The following BDP1 variants were observed in gnomAD, a reference collection of about 807,000 sequenced individuals.
The protein encoded by BDP1 is transcription factor TFIIIB component B'' homolog.
Under a neutral mutation model 266.6 loss-of-function variants are expected in BDP1, and 169 were observed. The observed-to-expected ratio is 0.63, with a 90% confidence interval of 0.56 to 0.72. BDP1 has a LOEUF of 0.72. Among genes scored for constraint, BDP1 ranks in the 30% least tolerant of loss-of-function variants. BDP1 has a pLI of 0.00. For missense variants in BDP1, 3,015 were observed against 3,053.8 expected, an observed-to-expected ratio of 0.99 and a Z score of 0.30; for synonymous variants, 1,090 against 1,022.4, an observed-to-expected ratio of 1.07 and a Z score of -1.26.
chr5:71,516,895 T>TA (rs921144168), intron 21 of BDP1, among the ~76,000 whole-genome samples: 85 of 148,782 alleles, frequency 5.7e-4, no homozygotes, highest in African/African-American at 1.3e-3. Context: ...AGCTCTTTCT[T>TA]AAAAAAAAAA....
chr5:71,488,760 T>C (rs1343682013), intron 9 of BDP1, among the ~76,000 whole-genome samples: 2 of 147,512 alleles, frequency 1.4e-5, no homozygotes, highest in African/African-American at 5.1e-5. Context: ...CAGGCTGGAG[T>C]GCAATGGTGC....
At chr5:71,544,536 A>G in intron 31 of BDP1, 29 bp downstream of exon 31, 1 of 1,596,152 alleles carries the variant, frequency 6.3e-7, no homozygotes, top group South Asian at 1.1e-5. Context: ...TCTGAGATTC[A>G]GTTTATATTG....
In BDP1 at chr5:71,553,275, A is replaced by G; in HGVS notation, c.7155A>G (p.Lys2385=). Residue 2385 remains lysine (K), a synonymous_variant, in exon 35 of 39, where the codon AAA becomes AAG. Coordinates refer to ENST00000358731, the MANE Select transcript of BDP1 (RefSeq NM_018429.3). ...ATGACCACATTCCTCCTGCCAAAAAACGTTCACTCACTTTAAGAGATGACT... is the reference window on the plus strand; with the variant it reads ...ATGACCACATTCCTCCTGCCAAAAAGCGTTCACTCACTTTAAGAGATGACT... ...DKNDHIPPAK[K]RSLTLRDDCQ... The G allele has an allele frequency of 6.2e-7, 1 of 1,613,098 alleles. No individual in the cohort carries two copies. Among genetic ancestry groups the G allele is most frequent in the Non-Finnish European group, 8.5e-7 (1 of 1,179,956 alleles).
intron 28 of BDP1, among the ~76,000 whole-genome samples, chr5:71,540,201 A>G (rs759680831): frequency 6.6e-6 from 1 of 152,222 alleles, no homozygotes; most frequent in Non-Finnish European, 1.5e-5. Context: ...TACTATCTCA[A>G]TATCTTTTAA....
chr5:71,552,085 G>A (rs1742828682), intron 34 of BDP1, among the ~76,000 whole-genome samples: 1 of 146,724 alleles, frequency 6.8e-6, no homozygotes, highest in Non-Finnish European at 1.5e-5. Context: ...CGGTAGGAGG[G>A]GCTCCTCACT....
chr5:71,513,166 A>T lies in BDP1; in HGVS notation c.4248-19A>T, dbSNP rs1580115921. The T allele has an allele frequency of 6.3e-7, 1 of 1,593,654 alleles. No homozygotes were observed. Among genetic ancestry groups the T allele is most frequent in the Non-Finnish European group, 8.6e-7 (1 of 1,165,786 alleles). On this transcript the variant is annotated intron_variant, in intron 18 of 38. Coordinates refer to ENST00000358731, the MANE Select transcript of BDP1 (RefSeq NM_018429.3). ...CCCCTTCAGTTCATTCTAAAGCTTG[A>T]TAATCCTTGTTCCAAAAGCAAATCT...
In BDP1 at chr5:71,523,958, G is replaced by A. The variant is rs201595049; in HGVS notation, c.5407G>A (p.Glu1803Lys). The change falls in exon 25 of 39, where the codon GAA becomes AAA. Residue 1803 changes from glutamate (E) to lysine (K), a missense_variant. Physicochemically the swap from Glu to Lys is moderately conservative, Grantham distance 56 (BLOSUM62 1). Coordinates refer to ENST00000358731, the MANE Select transcript of BDP1 (RefSeq NM_018429.3). ...KLTSCPQPLNETSYSKIALDG... is the reference protein window; with the variant it reads ...KLTSCPQPLNKTSYSKIALDG... Reference sequence around the variant, plus strand: ...ATCTAGCTGTCCACAACCGTTAAACGAAACAAGTTACTCTAAAATTGCCCT... The same window carrying A: ...ATCTAGCTGTCCACAACCGTTAAACAAAACAAGTTACTCTAAAATTGCCCT... The A allele has an allele frequency of 1.8e-5, 29 of 1,612,912 alleles. No individual in the cohort carries two copies. The highest frequency in any genetic ancestry group is 2.2e-5 in the Non-Finnish European group (26 of 1,179,450).
intron 3 of BDP1, 29 bp downstream of exon 3, chr5:71,461,955 T>A: frequency 4.6e-5 from 36 of 783,252 alleles, no homozygotes; most frequent in Non-Finnish European, 7.0e-5. Context: ...TGCTTTACTA[T>A]CTCTTTTTTT....
At chr5:71,468,453 ATTT>A (rs879364385) in intron 6 of BDP1, among the ~76,000 whole-genome samples, 1 of 141,780 alleles carries the variant, frequency 7.1e-6, no homozygotes, top group Non-Finnish European at 1.6e-5. Flanking sequence ...CAGCCCAGAA[ATTT>A]TTTTTTTTTT....
At chr5:71,527,094 T>A (rs552036234) in intron 25 of BDP1, among the ~76,000 whole-genome samples, 6 of 152,124 alleles carry the variant, frequency 3.9e-5, no homozygotes, top group African/African-American at 1.4e-4. Context: ...TTTTTAAAAT[T>A]AATTAATTTA....
intron 11 of BDP1, among the ~76,000 whole-genome samples, chr5:71,491,463 TTGAA>T (rs767697599): frequency 2.6e-5 from 4 of 152,108 alleles, no homozygotes; most frequent in Non-Finnish European, 5.9e-5. Flanking sequence ...TTTCGTTAGT[TTGAA>T]TGTGATGTGT....
intron 14 of BDP1, 107 bp downstream of exon 14, chr5:71,501,760 C>A: frequency 1.4e-6 from 1 of 709,354 alleles, no homozygotes; most frequent in African/African-American, 1.8e-5. Context: ...AATTTTCAAG[C>A]AGCATACTTT....
intron 1 of BDP1, 148 bp from the exon 2 acceptor site, chr5:71,458,431 T>C (rs1579965843): frequency 3.1e-6 from 2 of 635,040 alleles, no homozygotes; most frequent in East Asian, 5.3e-5. Flanking sequence ...TTTTGTAACC[T>C]GTCATAATTA....
At chr5:71,487,662 G>A (rs1384053424) in intron 9 of BDP1, among the ~76,000 whole-genome samples, 2 of 152,218 alleles carry the variant, frequency 1.3e-5, no homozygotes, top group Non-Finnish European at 2.9e-5. Context: ...GTGAGAGCCT[G>A]TGTTGGGGGT....
chr5:71,497,181 G>A, intron 12 of BDP1, 89 bp from the exon 13 acceptor site: 2 of 1,203,058 alleles, frequency 1.7e-6, no homozygotes, highest in East Asian at 2.3e-5. Flanking sequence ...TCTTAAAGGA[G>A]TTCTTCCTAA....
In BDP1 at chr5:71,562,402, T is replaced by C; in HGVS notation, c.7625T>C (p.Leu2542Ser). Residue 2542 changes from leucine to serine, a missense_variant, in exon 38 of 39, where the codon TTG becomes TCG. This residue lies in a region of BDP1 where 629 missense variants were observed against 632.5 expected (regional missense o/e 0.99). Transcript: ENST00000358731. ...KPLIPGLRKK[L>S]KRSNPFNESQ... ...CTTATACCTGGATTAAGAAAGAAATTGAAAAGATCTAATCCATTCAATGAA... is the reference window on the plus strand; with the variant it reads ...CTTATACCTGGATTAAGAAAGAAATCGAAAAGATCTAATCCATTCAATGAA... The C allele has an allele frequency of 1.2e-6, 2 of 1,613,868 alleles. No individual in the cohort carries two copies. The highest frequency in any genetic ancestry group is 1.1e-5 in the South Asian group (1 of 91,078).
intron 25 of BDP1, among the ~76,000 whole-genome samples, chr5:71,527,923 A>G (rs1370848874): frequency 1.3e-5 from 2 of 151,658 alleles, no homozygotes; most frequent in African/African-American, 2.4e-5. Flanking sequence ...GGTTCAAGCA[A>G]TTCTTCTGCC....
At chr5:71,482,286 G>A (rs1163518265) in intron 7 of BDP1, among the ~76,000 whole-genome samples, 1 of 152,098 alleles carries the variant, frequency 6.6e-6, no homozygotes, top group Admixed American at 6.6e-5. Flanking sequence ...ACCCTGTTTG[G>A]CCTTCACCTC....
At chr5:71,543,506 C>T (rs921456996) in intron 30 of BDP1, among the ~76,000 whole-genome samples, 3 of 152,080 alleles carry the variant, frequency 2.0e-5, no homozygotes, top group Non-Finnish European at 2.9e-5. Flanking sequence ...GGTTTGAGCT[C>T]GCCAGATCAA....
Sources: gnomAD v4.1 joint callset for allele counts (sites outside exome capture counted in the v4.1 genomes callset) on GRCh38, gnomAD v4.1.1 for gene constraint, gnomAD v4.1.1 regional missense constraint, MANE v1.5 for transcripts, NCBI Gene and HGNC (gene_info 2026-07-23, HGNC 2026-07-21) for gene names.